The following DOCK8 variants were observed in gnomAD, a reference collection of about 807,000 sequenced individuals.
DOCK8 encodes the protein dedicator of cytokinesis protein 8.
DOCK8 carries 141 observed loss-of-function variants against 245.6 expected under a neutral mutation model. The observed-to-expected ratio is 0.57, with a 90% CI of 0.50 to 0.66. The LOEUF is 0.66. Among genes scored for constraint, DOCK8 ranks in the 30% least tolerant of loss-of-function variants. The pLI is 0.00. For missense variants in DOCK8, 2,965 were observed against 2,603.4 expected, an observed-to-expected ratio of 1.14 and a Z score of -3.02; for synonymous variants, 1,168 against 970.2, an observed-to-expected ratio of 1.20 and a Z score of -3.79.
intron 20 of DOCK8, among the ~76,000 whole-genome samples, chr9:377,490 T>C (rs2053567773): frequency 1.3e-5 from 2 of 152,230 alleles, no homozygotes; most frequent in African/African-American, 4.8e-5. Flanking sequence ...TTCTGGTAAT[T>C]GATGAATTTA....
intron 22 of DOCK8, among the ~76,000 whole-genome samples, chr9:385,665 C>T (rs2053921757): frequency 6.6e-6 from 1 of 152,144 alleles, no homozygotes; most frequent in African/African-American, 2.4e-5. Context: ...CTACAAATTA[C>T]CCCTACCCCC....
chr9:428,273 A>ACAT (rs1217919992), intron 34 of DOCK8, 89 bp from the exon 35 acceptor site: 2 of 1,602,324 alleles, frequency 1.2e-6, no homozygotes, highest in African/African-American at 2.7e-5. Context: ...TGGACATGGA[A>ACAT]CATCAGCATT....
Position 328,144 on chromosome 9 carries a change from G to A in DOCK8, c.1017G>A (p.Pro339=), listed in dbSNP as rs35746964. 6.8e-4 allele frequency: 1,096 copies of A among 1,614,002 alleles called. 6 individuals are homozygous for A. The African/African-American group carries it at 0.013, about 19-fold the overall frequency. Residue 339 remains proline, a synonymous_variant, in exon 9 of 48, where the codon CCG becomes CCA. Coordinates refer to ENST00000432829, the MANE Select transcript of DOCK8 (RefSeq NM_203447.4). Reference sequence around the variant, plus strand: ...CTGCAGTCTTCTCAGTCACCTACCCGTCCTCAGACATCTACCTGGTAGTCA... The same window carrying A: ...CTGCAGTCTTCTCAGTCACCTACCCATCCTCAGACATCTACCTGGTAGTCA... ...ARSAVFSVTY[P]SSDIYLVVKI...
At chr9:219,611 C>A (rs2046839299) in intron 1 of DOCK8, among the ~76,000 whole-genome samples, 1 of 151,936 alleles carries the variant, frequency 6.6e-6, no homozygotes, top group South Asian at 2.1e-4. Flanking sequence ...TAAGAACAAC[C>A]ACAGGCTGGG....
At chr9:428,008 T>TGGGAAGCCC (rs2056562822) in intron 34 of DOCK8, among the ~76,000 whole-genome samples, 1 of 152,238 alleles carries the variant, frequency 6.6e-6, no homozygotes, top group African/African-American at 2.4e-5. Flanking sequence ...GCCCCTGTTG[T>TGGGAAGCCC]ACTGGGAAGC....
chr9:368,307 C>G, intron 15 of DOCK8, 172 bp downstream of exon 15: 1 of 754,890 alleles, frequency 1.3e-6, no homozygotes, highest in Non-Finnish European at 2.5e-6. Flanking sequence ...CAGGGTCAGT[C>G]TTACTTGACG....
intron 28 of DOCK8, among the ~76,000 whole-genome samples, chr9:407,595 G>T (rs1159315111): frequency 6.6e-6 from 1 of 151,272 alleles, no homozygotes; most frequent in African/African-American, 2.4e-5. Context: ...ATTACTCAGG[G>T]ACATGTGGCA....
chr9:295,052 C>T (rs934703286), intron 4 of DOCK8, among the ~76,000 whole-genome samples: 3 of 151,938 alleles, frequency 2.0e-5, no homozygotes, highest in African/African-American at 7.3e-5. Flanking sequence ...CCCAGTTACT[C>T]AGGAGGCTGA....
At chr9:271,456 G>C (rs957443983) in intron 1 of DOCK8, among the ~76,000 whole-genome samples, 171 bp from the exon 2 acceptor site, 9 of 152,090 alleles carry the variant, frequency 5.9e-5, no homozygotes, top group African/African-American at 2.2e-4. Context: ...TGTATTATCT[G>C]ACAAAAACTA....
chr9:248,595 C>CTCTT lies in DOCK8; in HGVS notation c.54-23021_54-23018dup, dbSNP rs576651872. On this transcript the variant is annotated intron_variant, in intron 1 of 47. Transcript: ENST00000432829. The stretch of plus-strand genomic sequence containing the variant: ...TTTCTCTCTCTCTGTCTTTCTTTCT[C>CTCTT]TCTTTCTTTCTTTCCATCTTCTTTT... Among the ~76,000 whole-genome samples, 303 of 138,434 alleles carry CTCTT rather than the reference C, an allele frequency of 2.2e-3. 2 individuals carry two copies. Among genetic ancestry groups the CTCTT allele is most frequent in the Middle Eastern group, 3.7e-3 (1 of 270 alleles). 90.8% of individuals were successfully genotyped at this position (138,434 alleles called of 152,430 possible).
At chr9:300,758 G>T (rs1368428246) in intron 4 of DOCK8, among the ~76,000 whole-genome samples, 1 of 152,110 alleles carries the variant, frequency 6.6e-6, no homozygotes, top group East Asian at 1.9e-4. Flanking sequence ...GAAATGGATA[G>T]ATTCCTGGAA....
chr9:432,649 C>T (rs117122624), intron 37 of DOCK8, among the ~76,000 whole-genome samples: 2,053 of 152,026 alleles, frequency 0.014, 29 homozygotes, highest in Non-Finnish European at 0.019. Context: ...GAAGAGAGGT[C>T]GTGATCAATA....
chr9:415,673 T>C (rs953681388), intron 29 of DOCK8, among the ~76,000 whole-genome samples: 1 of 118,430 alleles, frequency 8.4e-6, no homozygotes, highest in African/African-American at 3.5e-5. Context: ...TACGTGTGTG[T>C]GCACGTGTGT....
intron 39 of DOCK8, among the ~76,000 whole-genome samples, chr9:436,931 G>A (rs913056464): frequency 1.3e-5 from 2 of 152,192 alleles, no homozygotes; most frequent in Non-Finnish European, 2.9e-5. Flanking sequence ...GGCCCTGTGG[G>A]TCAGGGAAGG....
intron 28 of DOCK8, among the ~76,000 whole-genome samples, chr9:409,601 C>T (rs1038069284): frequency 2.6e-5 from 4 of 151,672 alleles, no homozygotes; most frequent in African/African-American, 9.7e-5. Flanking sequence ...TATTATCATA[C>T]TTTAAGTTCT....
chr9:325,837 T>C, intron 8 of DOCK8, 100 bp downstream of exon 8: 1 of 1,157,342 alleles, frequency 8.6e-7, no homozygotes, highest in East Asian at 2.4e-5. Context: ...ACCTATCAGA[T>C]TTGAAAGCAA....
intron 15 of DOCK8, chr9:368,844 A>T (rs10972611): frequency 2.2e-5 from 3 of 136,548 alleles, no homozygotes; most frequent in African/African-American, 7.9e-5. Flanking sequence ...TTTTTGAGAC[A>T]GAGTTTCACT....
intron 14 of DOCK8, among the ~76,000 whole-genome samples, chr9:357,599 T>C (rs2052505817): frequency 1.3e-5 from 2 of 151,890 alleles, no homozygotes; most frequent in Non-Finnish European, 2.9e-5. Context: ...TTTTTTTTTC[T>C]GGCGTCTTAA....
chr9:316,483 C>CT (rs1254111035), intron 6 of DOCK8, among the ~76,000 whole-genome samples: 1 of 152,154 alleles, frequency 6.6e-6, no homozygotes, highest in African/African-American at 2.4e-5. Context: ...TTAGGAAGCT[C>CT]TAACTGCATA....
Sources: allele counts gnomAD v4.1 joint callset (sites outside exome capture counted in the v4.1 genomes callset), GRCh38; gene constraint gnomAD v4.1.1; transcripts MANE v1.5; gene names NCBI Gene and HGNC (gene_info 2026-07-23, HGNC 2026-07-21).